XKR4: variants seen among roughly 807,000 people sequenced by gnomAD.
XKR4 encodes the protein XK related 4.
XKR4 carries 12 observed loss-of-function variants against 53.9 expected under a neutral mutation model. The observed-to-expected ratio is 0.22, with a 90% confidence interval of 0.14 to 0.36. The LOEUF is 0.36. XKR4 is among the 10% of genes least tolerant of loss of function. The pLI is 1.00. For missense variants in XKR4, 799 were observed against 859.5 expected (o/e 0.93, Z 0.88); for synonymous variants, 354 against 362.4 (o/e 0.98, Z 0.26).
At chr8:55,127,170 C>A (rs147977491) in intron 1 of XKR4, among the ~76,000 whole-genome samples, 2 of 151,938 alleles carry the variant, frequency 1.3e-5, no homozygotes, top group African/African-American at 4.8e-5. Flanking sequence ...AGCTAAAATG[C>A]CCCCCAAAAG....
At chr8:55,131,984 G>A (rs1816561402) in intron 1 of XKR4, among the ~76,000 whole-genome samples, 1 of 152,206 alleles carries the variant, frequency 6.6e-6, no homozygotes, top group South Asian at 2.1e-4. Flanking sequence ...TAGAGGAGCA[G>A]TTTCATATGG....
intron 2 of XKR4, among the ~76,000 whole-genome samples, chr8:55,490,869 G>A (rs1028467615): frequency 2.1e-4 from 32 of 151,862 alleles, no homozygotes; most frequent in African/African-American, 7.5e-4. Flanking sequence ...TGAGAACCTT[G>A]GTTTACAGTT....
intron 1 of XKR4, among the ~76,000 whole-genome samples, chr8:55,229,976 C>T (rs1818009223): frequency 6.6e-6 from 1 of 151,712 alleles, no homozygotes; most frequent in African/African-American, 2.4e-5. Flanking sequence ...CTTTGCTCTG[C>T]TCCTCCGTTG....
chr8:55,234,442 G>T (rs947605084), intron 1 of XKR4, among the ~76,000 whole-genome samples: 1 of 152,162 alleles, frequency 6.6e-6, no homozygotes, highest in South Asian at 2.1e-4. Flanking sequence ...CCCAAATTGA[G>T]TATCTTTGGG....
At chr8:55,170,470 G>A (rs1013625032) in intron 1 of XKR4, among the ~76,000 whole-genome samples, 6 of 152,172 alleles carry the variant, frequency 3.9e-5, no homozygotes. Flanking sequence ...GCAAGGACAA[G>A]AAGACAGATT....
chr8:55,373,525 TTGATGGGGCA>T, intron 2 of XKR4, among the ~76,000 whole-genome samples: 1 of 151,940 alleles, frequency 6.6e-6, no homozygotes, highest in East Asian at 1.9e-4. Context: ...CTTGGGCAAT[TTGATGGGGCA>T]TGAACTTCCC....
chr8:55,370,560 C>G (rs1804057246), intron 2 of XKR4, among the ~76,000 whole-genome samples: 1 of 152,166 alleles, frequency 6.6e-6, no homozygotes, highest in Non-Finnish European at 1.5e-5. Flanking sequence ...CTCCTCAAAA[C>G]ACTTCCCAAA....
intron 1 of XKR4, among the ~76,000 whole-genome samples, chr8:55,343,086 A>T (rs1222421564): frequency 6.6e-6 from 1 of 152,182 alleles, no homozygotes; most frequent in East Asian, 1.9e-4. Flanking sequence ...TTGGAAAGTG[A>T]TCTCAGAAAC....
chr8:55,324,340 C>T (rs1055038477), intron 1 of XKR4, among the ~76,000 whole-genome samples: 7 of 152,204 alleles, frequency 4.6e-5, no homozygotes, highest in African/African-American at 1.7e-4. Flanking sequence ...AAGCAATCCA[C>T]CCACCTTGGC....
intron 1 of XKR4, among the ~76,000 whole-genome samples, chr8:55,214,503 T>TCCTG (rs1174107071): frequency 6.6e-6 from 1 of 152,242 alleles, no homozygotes; most frequent in African/African-American, 2.4e-5. Flanking sequence ...GATTAATTTG[T>TCCTG]CCTGAATGTC....
intron 2 of XKR4, chr8:55,451,553 C>T: frequency 2.8e-6 from 3 of 1,085,392 alleles, no homozygotes; most frequent in Non-Finnish European, 4.0e-6. Context: ...TACAGGCCCC[C>T]AGAATGCAGC....
chr8:55,356,352 A>G (rs1447405762), intron 1 of XKR4, among the ~76,000 whole-genome samples: 3 of 152,234 alleles, frequency 2.0e-5, no homozygotes, highest in African/African-American at 4.8e-5. Flanking sequence ...TGCAGAAAAC[A>G]CAAAGGATAG....
chr8:55,449,097 A>AC (rs765370894), intron 2 of XKR4, among the ~76,000 whole-genome samples: 28 of 151,722 alleles, frequency 1.8e-4, no homozygotes, highest in Middle Eastern at 3.4e-3. Context: ...AAAAAAAAAA[A>AC]CATATAAAAT....
At chr8:55,433,726 T>C (rs370272007) in intron 2 of XKR4, among the ~76,000 whole-genome samples, 1 of 152,290 alleles carries the variant, frequency 6.6e-6, no homozygotes, top group East Asian at 1.9e-4. Context: ...TAAATGAGTA[T>C]TAGGAGGAAG....
rs139538128 is a variant in XKR4 at position 55,183,829 on chromosome 8, G to A, written c.806+80535G>A. ...TACTGTATTAATTACTGGGAGAGGA[G>A]TGTTGAAGTCTCTTAAGTACAGCTG... is the stretch of plus-strand genomic sequence containing the variant. On this transcript the variant is annotated intron_variant, in intron 1 of 2. Transcript: ENST00000327381. Among the ~76,000 whole-genome samples, 36 of 152,302 alleles carry A rather than the reference G, an allele frequency of 2.4e-4. No homozygotes were observed. In the Middle Eastern group the frequency reaches 0.01, roughly 43 times the overall value.
rs1806904040 is a variant in XKR4, at chr8:55,528,248, A to C, written c.*4021A>C. ...ATATAATTCAGCACTTCTTAGCTCG[A>C]ATGAGTTTTATCACTTCTTAAGGAT... On this transcript the variant is annotated 3_prime_UTR_variant, in exon 3 of 3. Coordinates refer to ENST00000327381, the MANE Select transcript of XKR4 (RefSeq NM_052898.2). 6.6e-6 allele frequency: 1 copy of C among 152,244 alleles called. No homozygotes were observed. 9.4% of individuals were successfully genotyped at this position (152,244 alleles called of 1,614,324 possible).
intron 1 of XKR4, chr8:55,161,434 C>T: frequency 2.4e-6 from 1 of 423,542 alleles, no homozygotes; most frequent in Non-Finnish European, 4.7e-6. Context: ...CTCTGAGGTC[C>T]CAAGGGAAAC....
intron 1 of XKR4, among the ~76,000 whole-genome samples, chr8:55,251,182 G>A (rs1401405992): frequency 6.6e-6 from 1 of 152,178 alleles, no homozygotes; most frequent in African/African-American, 2.4e-5. Flanking sequence ...GTATATTTAA[G>A]TATCGGTGTA....
At chr8:55,392,387 A>G (rs995084870) in intron 2 of XKR4, among the ~76,000 whole-genome samples, 1 of 152,242 alleles carries the variant, frequency 6.6e-6, no homozygotes. Context: ...CAAAGCCAAC[A>G]CAAAGGGACT....
Sources: gnomAD v4.1 joint callset for allele counts (sites outside exome capture counted in the v4.1 genomes callset) on GRCh38, gnomAD v4.1.1 for gene constraint, MANE v1.5 for transcripts, NCBI Gene and HGNC (gene_info 2026-07-23, HGNC 2026-07-21) for gene names.